The following BDNF variants were observed in gnomAD, a reference collection of about 807,000 sequenced individuals.
BDNF encodes the protein neurotrophic factor BDNF precursor form.
A neutral mutation model predicts 19.5 loss-of-function variants in BDNF; 1 was observed. The observed-to-expected ratio is 0.05, with a 90% CI of 0.02 to 0.24. The LOEUF (loss-of-function observed/expected upper bound fraction) is 0.24. BDNF is among the 10% of genes least tolerant of loss of function. The probability of loss-of-function intolerance (pLI) is 1.00; values close to 1 mark genes in which losing one functional copy is unlikely to be tolerated. For synonymous variants in BDNF, 100 were observed against 121.6 expected (o/e 0.82, Z 1.17); for missense variants, 195 against 317.6 (o/e 0.61, Z 2.93).
upstream of BDNF, among the ~76,000 whole-genome samples, chr11:27,704,546 G>T (rs1860034255): frequency 6.7e-6 from 1 of 148,682 alleles, no homozygotes; most frequent in African/African-American, 2.5e-5. Flanking sequence ...TTCCTTGCAA[G>T]AAAAAAAAAA....
chr11:27,700,286 C>T lies in BDNF; in HGVS notation c.-144G>A, dbSNP rs1315835506. The T allele has an allele frequency of 1.0e-6, 1 of 985,142 alleles. No individual in the cohort carries two copies. The highest frequency in any genetic ancestry group is 1.2e-6 in the Non-Finnish European group (1 of 829,922). 61.0% of individuals were successfully genotyped at this position (985,142 alleles called of 1,614,324 possible). ...CTGCTCCCCGCCGGCCCCACAGCAG[C>T]GGTGGGTGTCTCATTAAAGCCCCCC... On this transcript the variant is annotated 5_prime_UTR_variant, in exon 1 of 2. Transcript: ENST00000356660.
chr11:27,660,082 A>G, intron 1 of BDNF: 5 of 605,982 alleles, frequency 8.3e-6, no homozygotes, highest in Non-Finnish European at 1.1e-5. Context: ...AATGGCCATC[A>G]TGATATCCAA....
At chr11:27,697,702 T>C (rs1859269695) in intron 1 of BDNF, 1 of 152,222 alleles carries the variant, frequency 6.6e-6, no homozygotes, top group South Asian at 2.1e-4. Context: ...AAATGCTTCA[T>C]TTTCTGGATG....
chr11:27,656,832 C>G lies in BDNF; in HGVS notation c.*989G>C, dbSNP rs978107768. On this transcript the variant is annotated 3_prime_UTR_variant, in exon 2 of 2. Coordinates refer to ENST00000356660, the MANE Select transcript of BDNF (RefSeq NM_001709.5). The stretch of plus-strand genomic sequence containing the variant: ...GTTCTAAAAAAAAATCACTGTTCTC[C>G]ATGCTTATACGAGTGTCATGATGTG... 2.4e-4 allele frequency: 233 copies of G among 985,132 alleles called. No homozygotes were observed. The highest frequency in any genetic ancestry group is 2.7e-4 in the Non-Finnish European group (226 of 829,930). 61.0% of individuals were successfully genotyped at this position (985,132 alleles called of 1,614,324 possible).
chr11:27,666,505 T>A (rs928747828), intron 1 of BDNF, among the ~76,000 whole-genome samples: 6 of 152,172 alleles, frequency 3.9e-5, no homozygotes, highest in African/African-American at 1.4e-4. Context: ...TTGAACCTTT[T>A]AGCAAAGAAG....
At chr11:27,669,646 TC>T (rs1855002016) in intron 1 of BDNF, among the ~76,000 whole-genome samples, 2 of 152,258 alleles carry the variant, frequency 1.3e-5, no homozygotes, top group African/African-American at 4.8e-5. Context: ...ATGAGTGAAC[TC>T]CCATTCACAA....
chr11:27,694,887 A>G (rs1392094493), intron 1 of BDNF, among the ~76,000 whole-genome samples: 1 of 152,164 alleles, frequency 6.6e-6, no homozygotes, highest in East Asian at 1.9e-4. Context: ...GAACCTTTAT[A>G]CTCAATGGTT....
intron 1 of BDNF, among the ~76,000 whole-genome samples, chr11:27,714,700 A>G (rs896109829): frequency 6.6e-6 from 1 of 152,178 alleles, no homozygotes; most frequent in Non-Finnish European, 1.5e-5. Flanking sequence ...AGGTTAGGGT[A>G]ACTTAGGCCT....
chr11:27,720,900 C>CCATTT (rs71050932), intron 1 of BDNF: 76,650 of 459,536 alleles, frequency 0.17, 8,661 homozygotes, highest in East Asian at 0.45. Context: ...AGAGGATTAC[C>CCATTT]CATTACCGGT....
chr11:27,675,325 C>A (rs779050856), intron 1 of BDNF: 1 of 152,142 alleles, frequency 6.6e-6, no homozygotes, highest in Non-Finnish European at 1.5e-5. Context: ...AGGTACCAAC[C>A]ATATATGCAT....
chr11:27,664,458 T>C (rs1853986781), intron 1 of BDNF, among the ~76,000 whole-genome samples: 1 of 151,866 alleles, frequency 6.6e-6, no homozygotes, highest in South Asian at 2.1e-4. Context: ...TACTTCCAGT[T>C]AGGGAATAAA....
At chr11:27,718,918 G>A (rs1320227629) in intron 1 of BDNF, among the ~76,000 whole-genome samples, 1 of 152,052 alleles carries the variant, frequency 6.6e-6, no homozygotes, top group Non-Finnish European at 1.5e-5. Context: ...GCTGATCGGG[G>A]GAGGAGTCCA....
chr11:27,700,530 C>T (rs1233024574), upstream of BDNF: 4 of 530,814 alleles, frequency 7.5e-6, no homozygotes, highest in African/African-American at 4.6e-5. Context: ...GCCCCCCCCC[C>T]CCCGCCCCCC....
intron 1 of BDNF, among the ~76,000 whole-genome samples, chr11:27,678,587 A>C (rs1326786479): frequency 6.6e-6 from 1 of 152,200 alleles, no homozygotes; most frequent in African/African-American, 2.4e-5. Flanking sequence ...ACGAACACGA[A>C]TGTGAGATCA....
chr11:27,660,898 C>T (rs572428911), intron 1 of BDNF, among the ~76,000 whole-genome samples: 8 of 152,156 alleles, frequency 5.3e-5, no homozygotes, highest in Non-Finnish European at 1.0e-4. Flanking sequence ...GTTTTGTTTT[C>T]ACCACTACAG....
At chr11:27,671,319 G>A (rs1043946750) in intron 1 of BDNF, among the ~76,000 whole-genome samples, 4 of 150,254 alleles carry the variant, frequency 2.7e-5, no homozygotes, top group African/African-American at 4.9e-5. Context: ...AAAAAAAAAA[G>A]AACCTGGAGA....
intron 1 of BDNF, among the ~76,000 whole-genome samples, chr11:27,689,381 T>C (rs1857950379): frequency 6.6e-6 from 1 of 152,258 alleles, no homozygotes; most frequent in Non-Finnish European, 1.5e-5. Context: ...TTTATAGAGT[T>C]ATTTGTAGGA....
chr11:27,705,301 G>C (rs919651898), upstream of BDNF, among the ~76,000 whole-genome samples: 14 of 152,150 alleles, frequency 9.2e-5, no homozygotes, highest in African/African-American at 3.1e-4. Context: ...TAGGAGAAAA[G>C]CCATGAGAAG....
At chr11:27,693,036 C>T (rs1273304016) in intron 1 of BDNF, among the ~76,000 whole-genome samples, 1 of 152,202 alleles carries the variant, frequency 6.6e-6, no homozygotes, top group Non-Finnish European at 1.5e-5. Flanking sequence ...CAAGTCCCCT[C>T]AACCATTGCT....
Sources: gnomAD v4.1 joint callset for allele counts (sites outside exome capture counted in the v4.1 genomes callset) on GRCh38, gnomAD v4.1.1 for gene constraint, MANE v1.5 for transcripts, NCBI Gene and HGNC (gene_info 2026-07-23, HGNC 2026-07-21) for gene names.